Variants in ATXN7L1 observed in about 807,000 individuals in gnomAD.
ATXN7L1 encodes the protein ataxin-7-like protein 1.
Under a neutral mutation model 70.8 loss-of-function variants are expected in ATXN7L1, and 15 were observed. That is an observed-to-expected ratio of 0.21 (90% CI 0.14 to 0.33). The LOEUF (loss-of-function observed/expected upper bound fraction) is 0.33. ATXN7L1 is among the 10% of genes least tolerant of loss of function. The probability of loss-of-function intolerance (pLI) is 1.00; values close to 1 mark genes in which losing one functional copy is unlikely to be tolerated. For synonymous variants in ATXN7L1, 440 were observed against 445.1 expected (o/e 0.99, Z 0.14); for missense variants, 975 against 1,097.1 (o/e 0.89, Z 1.57).
chr7:105,743,382 C>A (rs986955739), intron 3 of ATXN7L1, among the ~76,000 whole-genome samples: 14 of 152,160 alleles, frequency 9.2e-5, no homozygotes, highest in Admixed American at 5.9e-4. Context: ...CCTTCAGCTG[C>A]ACCTGAGTAA....
chr7:105,698,376 A>T (rs1008714017), intron 3 of ATXN7L1, among the ~76,000 whole-genome samples: 5 of 152,088 alleles, frequency 3.3e-5, no homozygotes, highest in Non-Finnish European at 7.4e-5. Flanking sequence ...TTAAAAATAA[A>T]TTTTTTGAGA....
chr7:105,843,972 G>A (rs1813598611), intron 2 of ATXN7L1, among the ~76,000 whole-genome samples: 1 of 152,226 alleles, frequency 6.6e-6, no homozygotes, highest in African/African-American at 2.4e-5. Flanking sequence ...AGCTACAGCA[G>A]TATCTGTAGA....
At chr7:105,671,678 C>T (rs187055995) in intron 3 of ATXN7L1, among the ~76,000 whole-genome samples, 1 of 152,004 alleles carries the variant, frequency 6.6e-6, no homozygotes, top group Admixed American at 6.6e-5. Flanking sequence ...GGGTGGATTG[C>T]TGGAGCTCAG....
intron 4 of ATXN7L1, among the ~76,000 whole-genome samples, chr7:105,658,650 C>T (rs1801078251): frequency 6.6e-6 from 1 of 151,598 alleles, no homozygotes; most frequent in Admixed American, 6.6e-5. Flanking sequence ...CCTGCCTCAG[C>T]CTCCCGAGTA....
chr7:105,631,800 G>GT (rs1283384856), intron 7 of ATXN7L1, among the ~76,000 whole-genome samples: 2 of 152,214 alleles, frequency 1.3e-5, no homozygotes, highest in Non-Finnish European at 2.9e-5. Context: ...GAGAGCAAAG[G>GT]TTTACTTGCC....
chr7:105,701,759 C>T (rs546048771), intron 3 of ATXN7L1, among the ~76,000 whole-genome samples: 27 of 152,230 alleles, frequency 1.8e-4, no homozygotes, highest in African/African-American at 6.0e-4. Flanking sequence ...GGCTGGACTG[C>T]AGTGGTGTGA....
intron 2 of ATXN7L1, among the ~76,000 whole-genome samples, chr7:105,874,307 T>G (rs2116686437): frequency 6.6e-6 from 1 of 152,176 alleles, no homozygotes; most frequent in South Asian, 2.1e-4. Flanking sequence ...TTACTCAACT[T>G]TAATTTAAAG....
chr7:105,714,413 A>G (rs1407062620), intron 3 of ATXN7L1, among the ~76,000 whole-genome samples: 2 of 152,210 alleles, frequency 1.3e-5, no homozygotes, highest in South Asian at 2.1e-4. Context: ...TGAGTTTGCT[A>G]TATGCTGAAT....
intron 2 of ATXN7L1, among the ~76,000 whole-genome samples, chr7:105,862,398 T>C (rs893754621): frequency 2.6e-5 from 4 of 152,134 alleles, no homozygotes; most frequent in Non-Finnish European, 5.9e-5. Flanking sequence ...ATGATTGTAC[T>C]ACTGCACTCC....
At chr7:105,659,356 G>A (rs1801216895) in intron 4 of ATXN7L1, among the ~76,000 whole-genome samples, 2 of 152,130 alleles carry the variant, frequency 1.3e-5, no homozygotes, top group Non-Finnish European at 2.9e-5. Context: ...TTACTGACAC[G>A]AGTACCACGC....
At chr7:105,643,196 TATC>T (rs1424952470) in intron 4 of ATXN7L1, 75 bp from the exon 5 acceptor site, 3 of 1,397,396 alleles carry the variant, frequency 2.1e-6, no homozygotes, top group Non-Finnish European at 2.9e-6. Flanking sequence ...CATACCCGCT[TATC>T]ATTATCAGAA....
intron 2 of ATXN7L1, among the ~76,000 whole-genome samples, chr7:105,855,711 C>A (rs558554185): frequency 6.6e-6 from 1 of 152,246 alleles, no homozygotes; most frequent in African/African-American, 2.4e-5. Context: ...AATTGCAGAT[C>A]AAAAATATGT....
intron 4 of ATXN7L1, among the ~76,000 whole-genome samples, chr7:105,657,685 AGAGT>A (rs1181823805): frequency 2.3e-5 from 3 of 129,022 alleles, no homozygotes; most frequent in Admixed American, 8.5e-5. Flanking sequence ...CCTGGGTGAC[AGAGT>A]GAGACCCTGT....
chr7:105,859,347 G>A (rs765577083), intron 2 of ATXN7L1, among the ~76,000 whole-genome samples: 3 of 152,010 alleles, frequency 2.0e-5, no homozygotes, highest in Non-Finnish European at 4.4e-5. Context: ...AAGGTGAAGT[G>A]TCGTGATGTC....
chr7:105,619,555 T>A (rs113739037), intron 9 of ATXN7L1, among the ~76,000 whole-genome samples: 309 of 62,276 alleles, frequency 5.0e-3, no homozygotes, highest in Non-Finnish European at 8.4e-3. Flanking sequence ...TTTTTTTTTT[T>A]TTTTTTTTTT....
At chr7:105,664,702 G>C (rs529938387) in intron 4 of ATXN7L1, among the ~76,000 whole-genome samples, 1 of 151,456 alleles carries the variant, frequency 6.6e-6, no homozygotes, top group Non-Finnish European at 1.5e-5. Context: ...GAGTAGCTGG[G>C]ATTACAGGTG....
At chr7:105,689,354 C>G (rs780648471) in intron 3 of ATXN7L1, among the ~76,000 whole-genome samples, 1 of 152,148 alleles carries the variant, frequency 6.6e-6, no homozygotes, top group Non-Finnish European at 1.5e-5. Flanking sequence ...GCAACGTGCT[C>G]TAGGAGACAG....
chr7:105,632,755 G>A (rs1465917430), intron 7 of ATXN7L1, among the ~76,000 whole-genome samples: 2 of 151,566 alleles, frequency 1.3e-5, no homozygotes, highest in East Asian at 3.9e-4. Context: ...CCCTGCCTCT[G>A]TAAAAAAATA....
intron 9 of ATXN7L1, among the ~76,000 whole-genome samples, chr7:105,615,287 C>T (rs374030872): frequency 3.3e-5 from 5 of 152,242 alleles, no homozygotes; most frequent in South Asian, 2.1e-4. Context: ...ACACAGGGGC[C>T]GGAGCTTCCC....
Sources: gnomAD v4.1 joint callset for allele counts (sites outside exome capture counted in the v4.1 genomes callset) on GRCh38, gnomAD v4.1.1 for gene constraint, MANE v1.5 for transcripts, NCBI Gene and HGNC (gene_info 2026-07-23, HGNC 2026-07-21) for gene names.